Variants in SLIT2 observed in about 807,000 individuals in gnomAD.
The protein encoded by SLIT2 is slit homolog 2 protein.
In SLIT2, 41 loss-of-function variants were observed where a neutral mutation model predicts 185.7. The observed-to-expected ratio is 0.22, with a 90% CI of 0.17 to 0.29. The LOEUF is 0.29. Among genes scored for constraint, SLIT2 ranks in the 10% least tolerant of loss-of-function variants. SLIT2 has a pLI of 1.00. For synonymous variants in SLIT2, 693 were observed against 680.2 expected (o/e 1.02, Z -0.29); for missense variants, 1,571 against 1,909.0 (o/e 0.82, Z 3.30).
chr4:20,324,661 T>C (rs1719404318), intron 4 of SLIT2, among the ~76,000 whole-genome samples: 1 of 152,176 alleles, frequency 6.6e-6, no homozygotes, highest in Non-Finnish European at 1.5e-5. Context: ...AACTATGTGA[T>C]GTAGTTCGTG....
chr4:20,301,051 G>C (rs955049305), intron 4 of SLIT2, among the ~76,000 whole-genome samples: 1 of 152,052 alleles, frequency 6.6e-6, no homozygotes, highest in Non-Finnish European at 1.5e-5. Context: ...ATGAATGAAT[G>C]AGCAACTCTT....
chr4:20,428,046 A>G (rs1728691059), intron 4 of SLIT2, among the ~76,000 whole-genome samples: 3 of 152,238 alleles, frequency 2.0e-5, no homozygotes, highest in Non-Finnish European at 4.4e-5. Flanking sequence ...GTTCACAGCA[A>G]AGAGAAAACT....
intron 16 of SLIT2, among the ~76,000 whole-genome samples, chr4:20,531,431 A>T (rs759055881): frequency 1.3e-5 from 2 of 152,224 alleles, no homozygotes. Context: ...TAGTAAAAGC[A>T]AAAAGTAACC....
At chr4:20,513,546 C>T (rs1241997110) in intron 11 of SLIT2, among the ~76,000 whole-genome samples, 1 of 152,100 alleles carries the variant, frequency 6.6e-6, no homozygotes, top group Non-Finnish European at 1.5e-5. Context: ...ATGTACTAGG[C>T]CCTAGTAGAG....
intron 4 of SLIT2, among the ~76,000 whole-genome samples, chr4:20,376,883 G>A (rs1294880747): frequency 1.3e-5 from 2 of 151,924 alleles, no homozygotes; most frequent in South Asian, 2.1e-4. Context: ...TGGAGCGGGG[G>A]TTGGGAGAGG....
At chr4:20,561,320 A>T (rs1386976591) in intron 26 of SLIT2, among the ~76,000 whole-genome samples, 1 of 151,832 alleles carries the variant, frequency 6.6e-6, no homozygotes, top group African/African-American at 2.4e-5. Flanking sequence ...ATATGTTAGG[A>T]ATCCTCTAGA....
chr4:20,331,920 C>T (rs189297862), intron 4 of SLIT2, among the ~76,000 whole-genome samples: 1 of 152,212 alleles, frequency 6.6e-6, no homozygotes, highest in Admixed American at 6.5e-5. Context: ...CAAATATTTT[C>T]AATGTTCTTT....
chr4:20,511,602 T>TTTTTTTTTTTTTTTTTTTTTTTG, intron 11 of SLIT2, among the ~76,000 whole-genome samples: 1 of 144,664 alleles, frequency 6.9e-6, no homozygotes, highest in African/African-American at 2.5e-5. Context: ...TTTTTTTTTT[T>TTTTTTTTTTTTTTTTTTTTTTTG]TATTTTTGGT....
rs1393089292 is a variant in SLIT2 at position 20,472,519 on chromosome 4, T to G, written c.467+4696T>G. ...ATATATATCTATATATAGATAGATATATATCTATATATAGATATATCTATA... is the reference window on the plus strand; with the variant it reads ...ATATATATCTATATATAGATAGATAGATATCTATATATAGATATATCTATA... On this transcript the variant is annotated intron_variant, in intron 5 of 36. Coordinates refer to ENST00000504154, the MANE Select transcript of SLIT2 (RefSeq NM_004787.4). Among the ~76,000 whole-genome samples the G allele has an allele frequency of 1.9e-3, 50 of 26,154 alleles. 18 individuals are homozygous for G. Among genetic ancestry groups the G allele is most frequent in the African/African-American group, 2.6e-3 (11 of 4,236 alleles). 17.2% of individuals were successfully genotyped at this position (26,154 alleles called of 152,430 possible).
chr4:20,418,526 A>G (rs1727890052), intron 4 of SLIT2, among the ~76,000 whole-genome samples: 1 of 152,324 alleles, frequency 6.6e-6, no homozygotes, highest in South Asian at 2.1e-4. Flanking sequence ...TACAATGAAT[A>G]TTTAATTTAC....
At chr4:20,400,495 T>C (rs1223948454) in intron 4 of SLIT2, among the ~76,000 whole-genome samples, 1 of 151,742 alleles carries the variant, frequency 6.6e-6, no homozygotes, top group Non-Finnish European at 1.5e-5. Flanking sequence ...GGATGAGATA[T>C]AGCCTTAGCT....
chr4:20,538,278 T>C (rs1277230404), intron 18 of SLIT2, among the ~76,000 whole-genome samples: 1 of 152,112 alleles, frequency 6.6e-6, no homozygotes, highest in Non-Finnish European at 1.5e-5. Flanking sequence ...TGTCTTCAAC[T>C]TCCCCCAGGG....
chr4:20,616,885 C>T (rs1322001410), intron 34 of SLIT2, 25 bp from the exon 35 acceptor site: 1 of 1,569,012 alleles, frequency 6.4e-7, no homozygotes, highest in African/African-American at 1.3e-5. Context: ...GAGAGCCTGA[C>T]CTCTGACCTG....
intron 3 of SLIT2, among the ~76,000 whole-genome samples, chr4:20,259,048 T>C (rs909116359): frequency 1.3e-5 from 2 of 151,644 alleles, no homozygotes; most frequent in African/African-American, 4.8e-5. Context: ...CAGAAATGTC[T>C]ACTTTATTTT....
At chr4:20,478,939 ACAT>A (rs1166830179) in intron 5 of SLIT2, among the ~76,000 whole-genome samples, 1 of 152,218 alleles carries the variant, frequency 6.6e-6, no homozygotes, top group Admixed American at 6.6e-5. Flanking sequence ...CAGCCATATT[ACAT>A]CATGAGACTT....
At chr4:20,409,950 G>A (rs1350664184) in intron 4 of SLIT2, among the ~76,000 whole-genome samples, 2 of 151,998 alleles carry the variant, frequency 1.3e-5, no homozygotes, top group Non-Finnish European at 2.9e-5. Flanking sequence ...TAAGTTATTT[G>A]TAGATGCTGG....
intron 4 of SLIT2, among the ~76,000 whole-genome samples, chr4:20,282,322 G>A (rs1388154937): frequency 6.6e-6 from 1 of 152,160 alleles, no homozygotes; most frequent in Admixed American, 6.6e-5. Flanking sequence ...CACTATTCAA[G>A]TGTGGGTAAA....
chr4:20,471,199 C>G (rs1332072101), intron 5 of SLIT2, among the ~76,000 whole-genome samples: 2 of 152,054 alleles, frequency 1.3e-5, no homozygotes, highest in African/African-American at 4.8e-5. Context: ...CATTAAAAGG[C>G]ATTTTCTAGG....
At chr4:20,355,876 A>G (rs1354462277) in intron 4 of SLIT2, among the ~76,000 whole-genome samples, 5 of 152,174 alleles carry the variant, frequency 3.3e-5, no homozygotes, top group Non-Finnish European at 5.9e-5. Flanking sequence ...GCAGTTTACT[A>G]CTACTACTAT....
Sources: allele counts gnomAD v4.1 joint callset (sites outside exome capture counted in the v4.1 genomes callset), GRCh38; gene constraint gnomAD v4.1.1; transcripts MANE v1.5; gene names NCBI Gene and HGNC (gene_info 2026-07-23, HGNC 2026-07-21).